ZFHX3: variants seen among roughly 807,000 people sequenced by gnomAD.
The protein encoded by ZFHX3 is zinc finger homeobox protein 3.
Under a neutral mutation model 279.1 loss-of-function variants are expected in ZFHX3, and 42 were observed. The observed-to-expected ratio is 0.15, with a 90% CI of 0.12 to 0.19. The LOEUF is 0.19. Ranked by LOEUF, ZFHX3 falls within the 10% of genes least tolerant of loss-of-function variation. The pLI is 1.00. For synonymous variants in ZFHX3, 2,293 were observed against 1,957.8 expected, an observed-to-expected ratio of 1.17 and a Z score of -4.52; for missense variants, 4,981 against 4,754.0, an observed-to-expected ratio of 1.05 and a Z score of -1.40.
At chr16:73,517,182 C>T (rs2143699646) in intron 2 of ZFHX3, among the ~76,000 whole-genome samples, 1 of 152,266 alleles carries the variant, frequency 6.6e-6, no homozygotes, top group Admixed American at 6.5e-5. Context: ...CTGTATTGTT[C>T]TACCGTCCAT....
At chr16:72,974,791 T>G (rs1234520305) in intron 1 of ZFHX3, among the ~76,000 whole-genome samples, 1 of 152,166 alleles carries the variant, frequency 6.6e-6, no homozygotes, top group Non-Finnish European at 1.5e-5. Flanking sequence ...ACACGGGGTC[T>G]TCCCCATGCC....
intron 2 of ZFHX3, among the ~76,000 whole-genome samples, chr16:73,607,470 T>C (rs760226588): frequency 5.9e-5 from 9 of 152,234 alleles, no homozygotes; most frequent in Non-Finnish European, 8.8e-5. Flanking sequence ...CGTATGTTCA[T>C]TGCAGCACTA....
intron 2 of ZFHX3, among the ~76,000 whole-genome samples, chr16:73,462,621 G>A (rs575326905): frequency 9.2e-5 from 14 of 152,086 alleles, no homozygotes; most frequent in Middle Eastern, 3.4e-3. Context: ...ATCATGAATA[G>A]GTATTCAATT....
chr16:73,759,602 T>C (rs1435382644), intron 1 of ZFHX3, among the ~76,000 whole-genome samples: 3 of 152,114 alleles, frequency 2.0e-5, no homozygotes, highest in African/African-American at 2.4e-5. Flanking sequence ...TAGAAACTAT[T>C]TTAGGTGAGA....
intron 1 of ZFHX3, among the ~76,000 whole-genome samples, chr16:73,714,713 G>A (rs192619560): frequency 9.2e-5 from 14 of 152,270 alleles, no homozygotes; most frequent in African/African-American, 3.4e-4. Flanking sequence ...GGGTCATGAA[G>A]ACTACGATTA....
intron 4 of ZFHX3, among the ~76,000 whole-genome samples, chr16:72,834,069 A>G (rs2037127525): frequency 6.6e-6 from 1 of 152,148 alleles, no homozygotes; most frequent in South Asian, 2.1e-4. Context: ...CAAGAGAGTG[A>G]GACTCCATCT....
At chr16:73,168,414 G>T (rs564226243) in intron 5 of ZFHX3, among the ~76,000 whole-genome samples, 1 of 151,978 alleles carries the variant, frequency 6.6e-6, no homozygotes, top group East Asian at 1.9e-4. Flanking sequence ...GGAGTGCCTG[G>T]CTAAGTTAAA....
intron 3 of ZFHX3, among the ~76,000 whole-genome samples, chr16:72,939,062 C>T (rs1005729658): frequency 4.6e-5 from 7 of 152,108 alleles, no homozygotes; most frequent in African/African-American, 1.7e-4. Context: ...CTAGAGGAGC[C>T]GAGGAATATT....
intron 2 of ZFHX3, among the ~76,000 whole-genome samples, chr16:73,517,543 A>G (rs1182001085): frequency 2.0e-5 from 3 of 152,228 alleles, no homozygotes; most frequent in African/African-American, 4.8e-5. Context: ...GAAATCTGAG[A>G]GCATCAAATT....
At chr16:72,944,441 G>C (rs765082967) in intron 3 of ZFHX3, among the ~76,000 whole-genome samples, 25 of 152,202 alleles carry the variant, frequency 1.6e-4, no homozygotes, top group Non-Finnish European at 3.4e-4. Flanking sequence ...TGTAACAGTG[G>C]GTTTGCCTCT....
chr16:73,223,424 C>T (rs1364460940), intron 5 of ZFHX3, among the ~76,000 whole-genome samples: 1 of 152,072 alleles, frequency 6.6e-6, no homozygotes, highest in Admixed American at 6.6e-5. Flanking sequence ...TAACAGACGC[C>T]TCACCAAAGA....
At chr16:73,016,454 T>C (rs1469197648) in intron 1 of ZFHX3, among the ~76,000 whole-genome samples, 7 of 152,182 alleles carry the variant, frequency 4.6e-5, no homozygotes, top group Admixed American at 2.0e-4. Flanking sequence ...TTGTGAAAGA[T>C]ACGACTTTGA....
intron 5 of ZFHX3, among the ~76,000 whole-genome samples, chr16:72,827,522 G>T (rs1236171060): frequency 6.6e-6 from 1 of 152,182 alleles, no homozygotes; most frequent in African/African-American, 2.4e-5. Context: ...AGGACAGATG[G>T]CTCAGAAGGT....
At chr16:73,183,918 G>A (rs1304993420) in intron 5 of ZFHX3, among the ~76,000 whole-genome samples, 1 of 152,028 alleles carries the variant, frequency 6.6e-6, no homozygotes, top group East Asian at 1.9e-4. Context: ...GAATATCATG[G>A]CCTGGAGCCC....
intron 1 of ZFHX3, among the ~76,000 whole-genome samples, chr16:73,839,365 A>AAAAAAAAAC (rs1961238296): frequency 7.3e-6 from 1 of 136,622 alleles, no homozygotes; most frequent in African/African-American, 2.8e-5. Flanking sequence ...AAAAAAAAAA[A>AAAAAAAAAC]AGTTAGGTCT....
chr16:73,497,700 T>C (rs1005216111), intron 2 of ZFHX3, among the ~76,000 whole-genome samples: 6 of 151,864 alleles, frequency 4.0e-5, no homozygotes, highest in African/African-American at 1.5e-4. Context: ...AACTGGAAAC[T>C]CCCTGGGAAT....
At chr16:73,017,250 G>T (rs74805214) in intron 1 of ZFHX3, among the ~76,000 whole-genome samples, 1 of 150,626 alleles carries the variant, frequency 6.6e-6, no homozygotes, top group Admixed American at 6.6e-5. Flanking sequence ...AAAAAAAAAG[G>T]CAAAAAGATA....
chr16:72,815,405 CA>C (rs369741126), intron 5 of ZFHX3, among the ~76,000 whole-genome samples: 1,532 of 93,022 alleles, frequency 0.016, 15 homozygotes, highest in African/African-American at 0.038. Context: ...GAGACTGTCT[CA>C]AAAAAAAAAA....
intron 2 of ZFHX3, among the ~76,000 whole-genome samples, chr16:73,643,806 T>C (rs764941263): frequency 5.9e-5 from 9 of 152,206 alleles, no homozygotes; most frequent in Admixed American, 5.2e-4. Context: ...GTAATGAGCT[T>C]AAATTCTCCC....
Sources: allele counts gnomAD v4.1 joint callset (sites outside exome capture counted in the v4.1 genomes callset), GRCh38; gene constraint gnomAD v4.1.1; transcripts MANE v1.5; gene names NCBI Gene and HGNC (gene_info 2026-07-23, HGNC 2026-07-21).